TGFBR3: variants seen among roughly 807,000 people sequenced by gnomAD.
The protein encoded by TGFBR3 is transforming growth factor beta receptor type 3.
TGFBR3 carries 46 observed loss-of-function variants against 87.9 expected under a neutral mutation model. That is an observed-to-expected ratio of 0.52 (90% CI 0.41 to 0.67). The LOEUF is 0.67. Ranked by LOEUF, TGFBR3 falls within the 30% of genes least tolerant of loss-of-function variation. The pLI is 0.00. For missense variants in TGFBR3, 866 were observed against 1,041.9 expected (o/e 0.83, Z 2.32); for synonymous variants, 381 against 391.6 (o/e 0.97, Z 0.32).
At chr1:91,709,028 T>A (rs1042091181) in intron 13 of TGFBR3, among the ~76,000 whole-genome samples, 1 of 152,132 alleles carries the variant, frequency 6.6e-6, no homozygotes, top group Admixed American at 6.5e-5. Flanking sequence ...AATATTGTCC[T>A]CCCCCTCCCC....
chr1:91,819,386 GACCATCATCCCACTCCACT>G, intron 2 of TGFBR3, among the ~76,000 whole-genome samples: 1 of 150,928 alleles, frequency 6.6e-6, no homozygotes, highest in South Asian at 2.1e-4. Context: ...AAAAAATCCC[GACCATCATCCCACTCCACT>G]GACCTTGTAA....
chr1:91,801,541 A>T lies in TGFBR3; in HGVS notation c.62-4070T>A, dbSNP rs139146833. On this transcript the variant is annotated intron_variant, in intron 2 of 16. Coordinates refer to ENST00000212355, the MANE Select transcript of TGFBR3 (RefSeq NM_003243.5). ...AAGTGGTCATAGATTTAGGGGTGAGATCTACCGTTTTGTAACTTACTTTGA... is the reference window on the plus strand; with the variant it reads ...AAGTGGTCATAGATTTAGGGGTGAGTTCTACCGTTTTGTAACTTACTTTGA... Among the ~76,000 whole-genome samples, 29 of 152,276 alleles carry T rather than the reference A, an allele frequency of 1.9e-4. No individual in the cohort carries two copies. The East Asian group carries it at 5.0e-3, about 26-fold the overall frequency.
At chr1:91,870,817 A>G (rs1481749887) in intron 1 of TGFBR3, among the ~76,000 whole-genome samples, 2 of 152,146 alleles carry the variant, frequency 1.3e-5, no homozygotes, top group African/African-American at 4.8e-5. Flanking sequence ...GGAAACATAG[A>G]AAAAATAAAA....
intron 4 of TGFBR3, among the ~76,000 whole-genome samples, chr1:91,747,786 A>G (rs1167310167): frequency 2.6e-5 from 4 of 152,238 alleles, no homozygotes; most frequent in African/African-American, 7.2e-5. Context: ...ATTGAAAGCC[A>G]TTAAGAGCAC....
rs1202110013 is a variant in TGFBR3 at position 91,695,720 on chromosome 1, T to C, written c.2389A>G (p.Ile797Val). 43 of 1,614,168 alleles carry C rather than the reference T, an allele frequency of 2.7e-5. No individual in the cohort carries two copies. The highest frequency in any genetic ancestry group is 3.5e-5 in the Non-Finnish European group (41 of 1,180,030). Residue 797 changes from isoleucine (I) to valine (V), a missense_variant, in exon 16 of 17, where the codon ATC (isoleucine) becomes GTC (valine). Ile to Val is a conservative substitution (Grantham distance 29). Transcript: ENST00000212355. The stretch of plus-strand genomic sequence containing the variant: ...AAGGCCCCCGTCAGGAGTGCTCCGA[T>C]CACAAAGGCTGCAAACGCAATGCCC... ...VMGIAFAAFV[I>V]GALLTGALWY...
intron 15 of TGFBR3, 144 bp from the exon 16 acceptor site, chr1:91,695,923 A>T (rs918449085): frequency 2.0e-5 from 15 of 748,698 alleles, no homozygotes; most frequent in Non-Finnish European, 3.5e-5. Flanking sequence ...AATAAAATAC[A>T]CTGTATTTTG....
At chr1:91,758,529 A>G (rs1673831043) in intron 4 of TGFBR3, 84 bp downstream of exon 4, 1 of 1,481,240 alleles carries the variant, frequency 6.8e-7, no homozygotes, top group African/African-American at 1.4e-5. Context: ...AGTGAAAGTA[A>G]GCCTTTATGA....
At chr1:91,846,381 GAC>G (rs1225075412) in intron 2 of TGFBR3, among the ~76,000 whole-genome samples, 2 of 152,156 alleles carry the variant, frequency 1.3e-5, no homozygotes, top group African/African-American at 4.8e-5. Flanking sequence ...CAAAACAGAG[GAC>G]ACAAACTTCC....
intron 16 of TGFBR3, among the ~76,000 whole-genome samples, chr1:91,688,009 C>T (rs1028671446): frequency 4.6e-5 from 7 of 152,228 alleles, no homozygotes; most frequent in African/African-American, 7.2e-5. Flanking sequence ...GCAGAGTGAA[C>T]GATACTACCT....
rs201339607 is a variant in TGFBR3, at chr1:91,693,563, TG to T, written c.2437+2108del. Among the ~76,000 whole-genome samples the T allele has an allele frequency of 3.8e-3, 575 of 152,244 alleles. 4 individuals carry two copies. Among genetic ancestry groups the T allele is most frequent in the African/African-American group, 0.013 (542 of 41,540 alleles). ...GGCTGTGGGTAACAGTCTGGATTAT[TG>T]GGGGGATTTCAGTGGGGCATGTTCC... On this transcript the variant is annotated intron_variant, in intron 16 of 16. Transcript: ENST00000212355.
In TGFBR3 at chr1:91,681,833, A is replaced by AT. The variant is rs1670918773; in HGVS notation, c.*1905_*1906insA. The AT allele has an allele frequency of 6.6e-6, 3 of 453,452 alleles. No homozygotes were observed. Among genetic ancestry groups the AT allele is most frequent in the Non-Finnish European group, 1.3e-5 (3 of 226,680 alleles). 28.1% of individuals were successfully genotyped at this position (453,452 alleles called of 1,614,324 possible). ...GAAACAATACATTCCACCGAAGGTTAGGCAAAGCGCAATATTTTCAAACAC... is the reference window on the plus strand; with the variant it reads ...GAAACAATACATTCCACCGAAGGTTATGGCAAAGCGCAATATTTTCAAACAC... On this transcript the variant is annotated 3_prime_UTR_variant, in exon 17 of 17. Transcript: ENST00000212355.
At chr1:91,879,055 G>A (rs1178303044) in intron 1 of TGFBR3, among the ~76,000 whole-genome samples, 1 of 151,976 alleles carries the variant, frequency 6.6e-6, no homozygotes, top group Non-Finnish European at 1.5e-5. Context: ...GATCACTTGA[G>A]GCCAGAAGTT....
At chr1:91,705,288 G>C (rs555715086) in intron 14 of TGFBR3, among the ~76,000 whole-genome samples, 1 of 148,864 alleles carries the variant, frequency 6.7e-6, no homozygotes, top group African/African-American at 2.5e-5. Flanking sequence ...ACAGTGGCGC[G>C]ATCTTGGCTC....
chr1:91,788,525 T>C lies in TGFBR3; in HGVS notation c.246+8762A>G, dbSNP rs182110039. On this transcript the variant is annotated intron_variant, in intron 3 of 16. Coordinates refer to ENST00000212355, the MANE Select transcript of TGFBR3 (RefSeq NM_003243.5). ...AACTTACACAGAAATATTTAGAAAATACCGTGGAAGGAGTGATTGAAGTCA... is the reference window on the plus strand; with the variant it reads ...AACTTACACAGAAATATTTAGAAAACACCGTGGAAGGAGTGATTGAAGTCA... Among the ~76,000 whole-genome samples the C allele has an allele frequency of 1.2e-4, 19 of 152,252 alleles. No individual in the cohort carries two copies. In the East Asian group the frequency reaches 3.7e-3, roughly 29 times the overall value.
intron 2 of TGFBR3, among the ~76,000 whole-genome samples, chr1:91,816,907 T>C (rs1431028446): frequency 1.3e-5 from 2 of 152,168 alleles, no homozygotes; most frequent in African/African-American, 2.4e-5. Flanking sequence ...TCCCATATAA[T>C]AGGTATTCTT....
intron 2 of TGFBR3, among the ~76,000 whole-genome samples, chr1:91,843,555 T>G (rs1192275017): frequency 6.6e-6 from 1 of 152,234 alleles, no homozygotes; most frequent in African/African-American, 2.4e-5. Flanking sequence ...TGGTAACATT[T>G]TCAAAGAATA....
intron 2 of TGFBR3, among the ~76,000 whole-genome samples, chr1:91,893,634 T>A (rs1250826464): frequency 6.6e-6 from 1 of 152,118 alleles, no homozygotes; most frequent in Admixed American, 6.6e-5. Context: ...GAAATTTGTT[T>A]TTATGTTGTA....
chr1:91,760,229 T>A (rs1333164634), intron 3 of TGFBR3, among the ~76,000 whole-genome samples: 1 of 152,206 alleles, frequency 6.6e-6, no homozygotes, highest in Admixed American at 6.5e-5. Flanking sequence ...GAGACCAGCC[T>A]GGCCAACATG....
intron 2 of TGFBR3, among the ~76,000 whole-genome samples, chr1:91,807,240 G>A (rs1181558270): frequency 6.6e-6 from 1 of 152,176 alleles, no homozygotes; most frequent in Non-Finnish European, 1.5e-5. Context: ...CTGGCTTCAG[G>A]CTGAAGCTTA....
Sources: gnomAD v4.1 joint callset for allele counts (sites outside exome capture counted in the v4.1 genomes callset) on GRCh38, gnomAD v4.1.1 for gene constraint, MANE v1.5 for transcripts, NCBI Gene and HGNC (gene_info 2026-07-23, HGNC 2026-07-21) for gene names.